RBL2: variants seen among roughly 807,000 people sequenced by gnomAD.
RBL2 encodes RB transcriptional corepressor like 2.
A neutral mutation model predicts 126.0 loss-of-function variants in RBL2; 56 were observed. The observed-to-expected ratio is 0.44, with a 90% confidence interval of 0.36 to 0.56. The LOEUF (loss-of-function observed/expected upper bound fraction) is 0.56. Among genes scored for constraint, RBL2 ranks in the 20% least tolerant of loss-of-function variants. RBL2 has a pLI of 0.00. For missense variants in RBL2, 1,229 were observed against 1,398.2 expected (o/e 0.88, Z 1.93); for synonymous variants, 454 against 478.5 (o/e 0.95, Z 0.67).
Position 53,461,766 on chromosome 16 carries a change from G to A in RBL2, c.1372G>A (p.Ala458Thr), listed in dbSNP as rs767488661. The A allele has an allele frequency of 1.2e-6, 2 of 1,605,264 alleles. No individual in the cohort carries two copies. Among genetic ancestry groups the A allele is most frequent in the Non-Finnish European group, 1.7e-6 (2 of 1,176,790 alleles). Residue 458 changes from alanine (A) to threonine (T), a missense_variant, in exon 10 of 22, where the codon GCT (alanine) becomes ACT (threonine). By Grantham distance (58) the Ala-to-Thr change is moderately conservative (BLOSUM62 0). This residue lies in a region of RBL2 where 1,070 missense variants were observed against 1,274.3 expected (regional missense o/e 0.84). Coordinates refer to ENST00000262133, the MANE Select transcript of RBL2 (RefSeq NM_005611.4). ...LRTCSRDPTQ[A>T]IANRLKEMFE... ...GACATGTTCCAGAGATCCAACCCAG[G>A]CTATTGCTAACAGACTGAAAGAAAT...
rs781547616 is a variant in RBL2, at chr16:53,434,537, C to T, written c.-20C>T. 104 of 1,433,406 alleles carry T rather than the reference C, an allele frequency of 7.3e-5. 1 individual carries two copies. In the South Asian group the frequency reaches 1.4e-3, roughly 20 times the overall value. 88.8% of individuals were successfully genotyped at this position (1,433,406 alleles called of 1,614,324 possible). The stretch of plus-strand genomic sequence containing the variant: ...CCGGGCCCTCACCTCACCTGAGGTC[C>T]GGCCGCCCAGGGGTGCGCTATGCCG... On this transcript the variant is annotated 5_prime_UTR_variant, in exon 1 of 22. Coordinates refer to ENST00000262133, the MANE Select transcript of RBL2 (RefSeq NM_005611.4).
At chr16:53,460,959 C>T (rs1055450500) in intron 9 of RBL2, among the ~76,000 whole-genome samples, 3 of 152,128 alleles carry the variant, frequency 2.0e-5, no homozygotes, top group African/African-American at 7.2e-5. Context: ...AAGTAAACCT[C>T]GTTGGCGGGA....
rs922156509 is a variant in RBL2, at chr16:53,482,933, C to T, written c.3249+1098C>T. ...TATCATTGAGGAGACTAGGGAGACA[C>T]GACATCCAAATGCAATGCATGATTT... is the stretch of plus-strand genomic sequence containing the variant. On this transcript the variant is annotated intron_variant, in intron 21 of 21. Transcript: ENST00000262133. Among the ~76,000 whole-genome samples the T allele has an allele frequency of 3.3e-5, 5 of 151,936 alleles. No homozygotes were observed. In the East Asian group the frequency reaches 5.8e-4, roughly 18 times the overall value.
chr16:53,484,640 T>C (rs539726663), intron 21 of RBL2, among the ~76,000 whole-genome samples: 3 of 152,328 alleles, frequency 2.0e-5, no homozygotes, highest in South Asian at 4.1e-4. Flanking sequence ...TGGGCAAATA[T>C]CTAGAAGCAG....
chr16:53,447,274 A>G (rs543329778), intron 4 of RBL2, among the ~76,000 whole-genome samples, 168 bp downstream of exon 4: 4 of 151,774 alleles, frequency 2.6e-5, no homozygotes, highest in African/African-American at 7.3e-5. Context: ...CAAAGGATCT[A>G]TTGGATTTCT....
At chr16:53,444,447 G>A (rs536731489) in intron 3 of RBL2, among the ~76,000 whole-genome samples, 2 of 151,710 alleles carry the variant, frequency 1.3e-5, no homozygotes, top group South Asian at 4.2e-4. Flanking sequence ...CAGCTACTTG[G>A]GAGGGAGAGG....
chr16:53,486,402 A>G (rs1024671189), intron 21 of RBL2, among the ~76,000 whole-genome samples: 2 of 152,226 alleles, frequency 1.3e-5, no homozygotes, highest in Non-Finnish European at 2.9e-5. Context: ...TAGCCCCTGT[A>G]TCTACTAAAG....
At position 53,434,779 on chromosome 16, in the gene RBL2, G is replaced by T; in HGVS notation, c.223G>T (p.Glu75Ter). ...CTGGGACAGCTACCGCAGCATGAGCGAAAGCTACACGCTGGAGGTGCGCTC... is the reference window on the plus strand; with the variant it reads ...CTGGGACAGCTACCGCAGCATGAGCTAAAGCTACACGCTGGAGGTGCGCTC... ...EAWDSYRSMSESYTLEGNDLH... is the reference protein window; with the variant it reads ...EAWDSYRSMS Residue 75 changes from glutamate (E) to a stop codon, truncating the protein, a stop_gained, in exon 1 of 22, where the codon GAA becomes TAA. Transcript: ENST00000262133. LOFTEE classifies it high-confidence loss of function. 1 of 1,516,534 alleles carries T rather than the reference G, an allele frequency of 6.6e-7. No homozygotes were observed. The highest frequency in any genetic ancestry group is 2.0e-5 in the Admixed American group (1 of 49,746). 93.9% of individuals were successfully genotyped at this position (1,516,534 alleles called of 1,614,324 possible).
At chr16:53,442,919 C>A in intron 3 of RBL2, 61 bp downstream of exon 3, 1 of 1,215,962 alleles carries the variant, frequency 8.2e-7, no homozygotes, top group Non-Finnish European at 1.1e-6. Context: ...TGTTGATATT[C>A]TGCTAGGTTT....
intron 13 of RBL2, 147 bp from the exon 14 acceptor site, chr16:53,466,911 T>A (rs2058277976): frequency 1.5e-6 from 1 of 649,092 alleles, no homozygotes; most frequent in Non-Finnish European, 2.6e-6. Flanking sequence ...GTTTTTTTTT[T>A]AACTTTATTA....
intron 17 of RBL2, among the ~76,000 whole-genome samples, chr16:53,474,300 CTTTT>C (rs1960637581): frequency 8.4e-6 from 1 of 119,384 alleles, no homozygotes. Context: ...TGCTGTAATT[CTTTT>C]ATTTATTTAT....
At chr16:53,479,029 CCA>C (rs1960839089) in intron 17 of RBL2, 123 bp from the exon 18 acceptor site, 1 of 726,728 alleles carries the variant, frequency 1.4e-6, no homozygotes, top group Non-Finnish European at 2.4e-6. Flanking sequence ...AATACCATTT[CCA>C]GAGACTTTAA....
chr16:53,461,678 A>G lies in RBL2; in HGVS notation c.1347-63A>G, dbSNP rs1052094489. On this transcript the variant is annotated intron_variant, in intron 9 of 21. Coordinates refer to ENST00000262133, the MANE Select transcript of RBL2 (RefSeq NM_005611.4). ...TACATGTTAGTGAAATTATAGAAAC[A>G]TTTTATCCCCTTGTGACTTGACAAG... 81 of 1,178,868 alleles carry G rather than the reference A, an allele frequency of 6.9e-5. 2 individuals are homozygous for G. The South Asian group carries it at 1.1e-3, about 16-fold the overall frequency. The allele number at this position is 1,178,868 out of a possible 1,614,324, so 73.0% of individuals were successfully genotyped here.
chr16:53,480,575 G>A lies in RBL2; in HGVS notation c.2890G>A (p.Asp964Asn). ...TGTTCTCCTGGCTGCAGCCAGTAGA[G>A]ACTCCAGTCCAGTTATGAGGTCAAG... ...TELNKDRTSRDSSPVMRSSST... is the reference protein window; with the variant it reads ...TELNKDRTSRNSSPVMRSSST... Residue 964 changes from aspartate to asparagine, a missense_variant, in exon 20 of 22, where the codon GAC (aspartate) becomes AAC (asparagine). By Grantham distance (23) the Asp-to-Asn change is conservative. This residue lies in a region of RBL2 where 1,070 missense variants were observed against 1,274.3 expected (regional missense o/e 0.84). Coordinates refer to ENST00000262133, the MANE Select transcript of RBL2 (RefSeq NM_005611.4). 1.2e-6 allele frequency: 2 copies of A among 1,612,828 alleles called. No homozygotes were observed. Among genetic ancestry groups the A allele is most frequent in the South Asian group, 2.2e-5 (2 of 90,920 alleles).
rs150272534 is a variant in RBL2, at chr16:53,490,157, C to G, written c.3277C>G (p.Arg1093Gly). ...KRLREINSMIRTGETPTKKRG... is the reference protein window; with the variant it reads ...KRLREINSMIGTGETPTKKRG... Reference sequence around the variant, plus strand: ...ACTGAGAGAAATTAATAGTATGATACGCACAGGAGAAACTCCTACTAAAAA... The same window carrying G: ...ACTGAGAGAAATTAATAGTATGATAGGCACAGGAGAAACTCCTACTAAAAA... Residue 1093 changes from arginine (R) to glycine (G), a missense_variant, in exon 22 of 22, where the codon CGC (arginine) becomes GGC (glycine). By Grantham distance (125) the Arg-to-Gly change is moderately radical. This residue lies in a region of RBL2 where 1,070 missense variants were observed against 1,274.3 expected (regional missense o/e 0.84). Transcript: ENST00000262133. The G allele has an allele frequency of 2.5e-6, 4 of 1,604,574 alleles. No individual in the cohort carries two copies. The South Asian group carries it at 4.5e-5, about 18-fold the overall frequency.
At chr16:53,441,106 C>T (rs370530033) in intron 2 of RBL2, among the ~76,000 whole-genome samples, 7 of 151,896 alleles carry the variant, frequency 4.6e-5, no homozygotes, top group African/African-American at 1.7e-4. Flanking sequence ...GATAAAGGCA[C>T]ATACCACTAT....
At chr16:53,442,577 T>C (rs1351696275) in intron 2 of RBL2, 81 bp from the exon 3 acceptor site, 8 of 1,024,206 alleles carry the variant, frequency 7.8e-6, no homozygotes, top group East Asian at 2.6e-5. Context: ...TGCGATAATA[T>C]TGATTTACTT....
intron 8 of RBL2, among the ~76,000 whole-genome samples, chr16:53,457,219 G>A (rs2058176215): frequency 1.4e-5 from 2 of 144,934 alleles, no homozygotes; most frequent in African/African-American, 2.6e-5. Flanking sequence ...TAGGGGTTGT[G>A]TATATATGTC....
At chr16:53,437,052 C>CTT (rs111637343) in intron 1 of RBL2, among the ~76,000 whole-genome samples, 1 of 146,158 alleles carries the variant, frequency 6.8e-6, no homozygotes, top group African/African-American at 2.5e-5. Context: ...TATTTTTTTT[C>CTT]TTTTTTTTTT....
Sources: gnomAD v4.1 joint callset for allele counts (sites outside exome capture counted in the v4.1 genomes callset) on GRCh38, gnomAD v4.1.1 for gene constraint, gnomAD v4.1.1 regional missense constraint, MANE v1.5 for transcripts, NCBI Gene and HGNC (gene_info 2026-07-23, HGNC 2026-07-21) for gene names.